The following RB1 variants were observed in gnomAD, a reference collection of about 807,000 sequenced individuals.
RB1 encodes RB transcriptional corepressor 1, also known as retinoblastoma-associated protein.
In RB1, 18 loss-of-function variants were observed where a neutral mutation model predicts 135.4. The ratio of observed to expected loss-of-function variants is 0.13; its 90% CI spans 0.09 to 0.20. RB1 has a LOEUF of 0.20. Ranked by LOEUF, RB1 falls within the 10% of genes least tolerant of loss-of-function variation. The pLI is 1.00. For missense variants in RB1, 868 were observed against 1,110.0 expected (o/e 0.78, Z 3.10); for synonymous variants, 365 against 373.2 (o/e 0.98, Z 0.25).
chr13:48,384,438 C>T (rs1412428174), intron 17 of RB1, among the ~76,000 whole-genome samples: 1 of 152,078 alleles, frequency 6.6e-6, no homozygotes, highest in African/African-American at 2.4e-5. Flanking sequence ...TGCGTTTTCA[C>T]AGACTTTTTT....
intron 17 of RB1, among the ~76,000 whole-genome samples, chr13:48,390,075 A>T (rs916866391): frequency 2.0e-5 from 3 of 152,068 alleles, no homozygotes; most frequent in African/African-American, 4.8e-5. Context: ...TGAGCCTGGG[A>T]TGTTAAGGCT....
intron 17 of RB1, chr13:48,411,695 A>T (rs1306085812): frequency 6.2e-7 from 1 of 1,608,186 alleles, no homozygotes; most frequent in African/African-American, 1.3e-5. Flanking sequence ...TATTGTAAGG[A>T]ACAAAACAGA....
intron 2 of RB1, chr13:48,318,531 G>A: frequency 1.1e-6 from 1 of 873,360 alleles, no homozygotes. Flanking sequence ...CCCCTTGGCT[G>A]CGCCCTCCCC....
At chr13:48,334,536 T>C (rs1418730119) in intron 2 of RB1, among the ~76,000 whole-genome samples, 2 of 152,200 alleles carry the variant, frequency 1.3e-5, no homozygotes, top group African/African-American at 2.4e-5. Context: ...ATATATCTTT[T>C]GACCCTGAGG....
chr13:48,332,017 C>G (rs1952341727), intron 2 of RB1, among the ~76,000 whole-genome samples: 1 of 152,076 alleles, frequency 6.6e-6, no homozygotes, highest in African/African-American at 2.4e-5. Flanking sequence ...AAGTCAAGGA[C>G]TATCTGTTAT....
At chr13:48,382,787 G>A (rs1472882949) in intron 17 of RB1, among the ~76,000 whole-genome samples, 4 of 152,110 alleles carry the variant, frequency 2.6e-5, no homozygotes, top group African/African-American at 9.7e-5. Flanking sequence ...TGTCCTGAAT[G>A]GTATTGCCTA....
At chr13:48,364,410 G>A (rs1952673414) in intron 8 of RB1, among the ~76,000 whole-genome samples, 1 of 152,094 alleles carries the variant, frequency 6.6e-6, no homozygotes, top group Non-Finnish European at 1.5e-5. Flanking sequence ...TAAACTTACT[G>A]TAAATGTATT....
In RB1 at chr13:48,327,745, A is replaced by G. The variant is rs190718133; in HGVS notation, c.265-14854A>G. On this transcript the variant is annotated intron_variant, in intron 2 of 26. Coordinates refer to ENST00000267163, the MANE Select transcript of RB1 (RefSeq NM_000321.3). ...AACTGCTTGCAGTTTTAAATAGACA[A>G]TTAACTTTTTGCTTCCCTCTTAATG... Among the ~76,000 whole-genome samples the G allele has an allele frequency of 1.4e-4, 22 of 152,280 alleles. 2 individuals are homozygous for G. The highest frequency in any genetic ancestry group is 1.4e-3 in the Admixed American group (22 of 15,290).
intron 2 of RB1, among the ~76,000 whole-genome samples, chr13:48,322,552 T>C (rs1231906602): frequency 2.6e-5 from 4 of 152,200 alleles, no homozygotes; most frequent in African/African-American, 9.6e-5. Flanking sequence ...TTGTCTAAAA[T>C]CTCCAATAGA....
chr13:48,471,591 A>C (rs1949471037), intron 23 of RB1, among the ~76,000 whole-genome samples: 1 of 150,818 alleles, frequency 6.6e-6, no homozygotes. Context: ...AAAAAAAGAA[A>C]ATCTATTTAC....
intron 2 of RB1, among the ~76,000 whole-genome samples, chr13:48,327,689 C>A (rs958935055): frequency 7.2e-5 from 11 of 152,184 alleles, no homozygotes; most frequent in African/African-American, 2.7e-4. Flanking sequence ...GGGAGCCAGA[C>A]AAGTTTAGGT....
chr13:48,466,056 A>T (rs901026065), intron 23 of RB1, among the ~76,000 whole-genome samples: 5 of 151,142 alleles, frequency 3.3e-5, no homozygotes, highest in African/African-American at 1.2e-4. Flanking sequence ...GGAGCCCACC[A>T]CAGGTCAAGG....
At chr13:48,379,957 TAAAAAAAAAAAAAAA>T (rs35427721) in intron 14 of RB1, 81 bp from the exon 15 acceptor site, 11 of 368,680 alleles carry the variant, frequency 3.0e-5, no homozygotes, top group Non-Finnish European at 4.1e-5. Flanking sequence ...AGACACCATC[TAAAAAAAAAAAAAAA>T]AAAAAAAAAA....
chr13:48,473,280 G>T lies in RB1; in HGVS notation c.2490-80G>T, dbSNP rs1472344804. 1 of 1,113,194 alleles carries T rather than the reference G, an allele frequency of 9.0e-7. No individual in the cohort carries two copies. Among genetic ancestry groups the T allele is most frequent in the Non-Finnish European group, 1.4e-6 (1 of 734,480 alleles). 69.0% of individuals were successfully genotyped at this position (1,113,194 alleles called of 1,614,324 possible). A position where few individuals can be genotyped will look rare whatever the true frequency, so the allele number is the denominator to read the frequency against. On this transcript the variant is annotated intron_variant, in intron 23 of 26. Coordinates refer to ENST00000267163, the MANE Select transcript of RB1 (RefSeq NM_000321.3). ...TTAATTTGGTATTCCTAATAGTTCA[G>T]AATGATGTATTTATGCTCATCTCTG...
chr13:48,424,540 G>A (rs770550697), intron 17 of RB1, among the ~76,000 whole-genome samples: 44 of 152,180 alleles, frequency 2.9e-4, no homozygotes, highest in Non-Finnish European at 5.1e-4. Context: ...ATTGTGGTAA[G>A]ATTTAAAACT....
At chr13:48,380,141 A>G in intron 15 of RB1, 24 bp from the exon 16 acceptor site, 1 of 1,507,282 alleles carries the variant, frequency 6.6e-7, no homozygotes, top group South Asian at 1.3e-5. Context: ...TAAGTATTTT[A>G]TAATCTTTTT....
chr13:48,441,237 A>G (rs1237410422), intron 17 of RB1, among the ~76,000 whole-genome samples: 3 of 152,218 alleles, frequency 2.0e-5, no homozygotes, highest in Non-Finnish European at 2.9e-5. Flanking sequence ...TGGAAGGGAC[A>G]AGGCAGCTCT....
chr13:48,347,810 T>G lies in RB1; in HGVS notation c.501-15T>G. ...ACGAAAAAATGTTAAAAAGTCATAATGTTTTTCTTTTCAGGACATGTGAAC... is the reference window on the plus strand; with the variant it reads ...ACGAAAAAATGTTAAAAAGTCATAAGGTTTTTCTTTTCAGGACATGTGAAC... On this transcript the variant is annotated splice_polypyrimidine_tract_variant and intron_variant, in intron 4 of 26. Coordinates refer to ENST00000267163, the MANE Select transcript of RB1 (RefSeq NM_000321.3). The G allele has an allele frequency of 6.4e-7, 1 of 1,564,296 alleles. No individual in the cohort carries two copies. The highest frequency in any genetic ancestry group is 8.8e-7 in the Non-Finnish European group (1 of 1,137,218).
chr13:48,382,909 A>G (rs1271857100), intron 17 of RB1, among the ~76,000 whole-genome samples: 3 of 152,100 alleles, frequency 2.0e-5, no homozygotes, highest in Non-Finnish European at 4.4e-5. Context: ...AGCTTTCTAC[A>G]TATGGCTGGC....
Sources: gnomAD v4.1 joint callset for allele counts (sites outside exome capture counted in the v4.1 genomes callset) on GRCh38, gnomAD v4.1.1 for gene constraint, MANE v1.5 for transcripts, NCBI Gene and HGNC (gene_info 2026-07-23, HGNC 2026-07-21) for gene names.